CCNB2: variants seen among roughly 807,000 people sequenced by gnomAD.
CCNB2 encodes cyclin B2, also known as G2/mitotic-specific cyclin-B2.
In CCNB2, 39 loss-of-function variants were observed where a neutral mutation model predicts 51.1. That is an observed-to-expected ratio of 0.76 (90% CI 0.59 to 1.00). The LOEUF (loss-of-function observed/expected upper bound fraction) is 1.00. CCNB2 is among the 50% of genes least tolerant of loss of function. CCNB2 has a pLI of 0.00. For missense variants in CCNB2, 472 were observed against 470.3 expected, an observed-to-expected ratio of 1.00 and a Z score of -0.03; for synonymous variants, 174 against 165.5, an observed-to-expected ratio of 1.05 and a Z score of -0.40.
chr15:59,124,947 T>C lies in CCNB2; in HGVS notation c.*70T>C, dbSNP rs143150666. On this transcript the variant is annotated 3_prime_UTR_variant, in exon 9 of 9. Transcript: ENST00000288207. ...CTTATTGGTTTAGAACTCTTGATTT[T>C]GTACATAGTCCTCTGGTCTATCTCA... The C allele has an allele frequency of 1.5e-3, 1,313 of 879,248 alleles. 3 individuals carry two copies. Among genetic ancestry groups the C allele is most frequent in the Non-Finnish European group, 1.9e-3 (1,075 of 580,986 alleles). The allele number at this position is 879,248 out of a possible 1,614,324, so 54.5% of individuals were successfully genotyped here. A position where few individuals can be genotyped will look rare whatever the true frequency, so the allele number is the denominator to read the frequency against.
rs1314338481 is a variant in CCNB2, at chr15:59,107,358, A to G, written c.61A>G (p.Asn21Asp). The change falls in exon 2 of 9, where the codon AAT (asparagine) becomes GAT (aspartate). Residue 21 changes from asparagine (N) to aspartate (D), a missense_variant. By Grantham distance (23) the Asn-to-Asp change is conservative (BLOSUM62 1). Coordinates refer to ENST00000288207, the MANE Select transcript of CCNB2 (RefSeq NM_004701.4). ...TTTGGAGAATATTGACACAGGAGTT[A>G]ATTCTAAAGTTAAGAGTCATGTGAC... ...SDLENIDTGV[N>D]SKVKSHVTIR... 1 of 1,611,714 alleles carries G rather than the reference A, an allele frequency of 6.2e-7. No homozygotes were observed. Among genetic ancestry groups the G allele is most frequent in the Admixed American group, 1.7e-5 (1 of 59,804 alleles).
intron 7 of CCNB2, among the ~76,000 whole-genome samples, chr15:59,118,570 G>A (rs1285244588): frequency 6.6e-6 from 1 of 152,190 alleles, no homozygotes; most frequent in Non-Finnish European, 1.5e-5. Context: ...TGTAATCCAG[G>A]CTACTCTGGA....
At chr15:59,114,925 A>G (rs753235092) in intron 5 of CCNB2, 49 bp downstream of exon 5, 4 of 1,554,830 alleles carry the variant, frequency 2.6e-6, no homozygotes, top group African/African-American at 1.4e-5. Context: ...TGAACATTGC[A>G]TTTATGCTTG....
chr15:59,116,931 G>C lies in CCNB2; in HGVS notation c.834+5G>C, dbSNP rs2079281639. ...CGAGCATCAAAAGCCGGGGAGGTAA[G>C]TGCCTCCAGCTCTGTAAGAGACTAT... is the stretch of plus-strand genomic sequence containing the variant. On this transcript the variant is annotated splice_donor_5th_base_variant and intron_variant, in intron 6 of 8. Transcript: ENST00000288207. The C allele has an allele frequency of 7.5e-6, 12 of 1,604,084 alleles. No homozygotes were observed. Among genetic ancestry groups the C allele is most frequent in the African/African-American group, 2.7e-5 (2 of 74,716 alleles).
At chr15:59,120,361 C>G (rs1311346821) in intron 7 of CCNB2, among the ~76,000 whole-genome samples, 9 of 152,080 alleles carry the variant, frequency 5.9e-5, no homozygotes, top group Non-Finnish European at 1.0e-4. Context: ...GTCATGGTAG[C>G]ATGTGCCTAT....
At chr15:59,105,385 C>T (rs2079231273) in intron 1 of CCNB2, 93 bp downstream of exon 1, 3 of 1,377,146 alleles carry the variant, frequency 2.2e-6, no homozygotes, top group Non-Finnish European at 3.0e-6. Context: ...TTCTCCGTCC[C>T]AACCGGGGCT....
chr15:59,122,694 G>A (rs2079308398), intron 7 of CCNB2, among the ~76,000 whole-genome samples: 1 of 151,830 alleles, frequency 6.6e-6, no homozygotes, highest in Non-Finnish European at 1.5e-5. Flanking sequence ...ACACCACCAA[G>A]CTTGGCTAAT....
At chr15:59,111,468 CA>C (rs1325472330) in intron 3 of CCNB2, among the ~76,000 whole-genome samples, 2 of 152,220 alleles carry the variant, frequency 1.3e-5, no homozygotes, top group African/African-American at 4.8e-5. Context: ...ACTGCCCTTC[CA>C]GGGGTGGGTG....
intron 7 of CCNB2, among the ~76,000 whole-genome samples, chr15:59,117,814 GA>G (rs1363129122): frequency 6.6e-6 from 1 of 152,148 alleles, no homozygotes; most frequent in African/African-American, 2.4e-5. Context: ...AAACTACTTG[GA>G]GAGGGGCATG....
At chr15:59,114,358 G>GT in intron 3 of CCNB2, 86 bp from the exon 4 acceptor site, 1 of 930,564 alleles carries the variant, frequency 1.1e-6, no homozygotes, top group South Asian at 1.8e-5. Flanking sequence ...TCAGATGTGC[G>GT]TATGATATTG....
intron 7 of CCNB2, among the ~76,000 whole-genome samples, chr15:59,120,118 C>A (rs1308441867): frequency 6.6e-6 from 1 of 152,110 alleles, no homozygotes; most frequent in African/African-American, 2.4e-5. Flanking sequence ...ACAGCAAATT[C>A]ATAATAAAGG....
At position 59,114,792 on chromosome 15, in the gene CCNB2, T is replaced by C. The variant is rs2079272393; in HGVS notation, c.513T>C (p.Asp171=). 5 of 1,614,040 alleles carry C rather than the reference T, an allele frequency of 3.1e-6. No homozygotes were observed. The highest frequency in any genetic ancestry group is 1.3e-5 in the African/African-American group (1 of 75,034). ...GACGCATGCGTGCCATCCTAGTGGA[T>C]TGGCTGGTACAAGTCCACTCCAAGT... ...INGRMRAILV[D]WLVQVHSKFR... The change falls in exon 5 of 9, where the codon GAT becomes GAC. Residue 171 remains aspartate, a synonymous_variant. Transcript: ENST00000288207.
chr15:59,124,466 C>A (rs879545), intron 8 of CCNB2: 8 of 389,946 alleles, frequency 2.1e-5, no homozygotes, highest in South Asian at 1.5e-4. Context: ...ACTTAGGTGT[C>A]GTAAACACAG....
rs1403060049 is a variant in CCNB2, at chr15:59,114,597, T to C, written c.421T>C (p.Tyr141His). 1 of 1,595,404 alleles carries C rather than the reference T, an allele frequency of 6.3e-7. No individual in the cohort carries two copies. The highest frequency in any genetic ancestry group is 8.6e-7 in the Non-Finnish European group (1 of 1,168,224). The change falls in exon 4 of 9, where the codon TAT (tyrosine) becomes CAT (histidine). Residue 141 changes from tyrosine to histidine, a missense_variant. Transcript: ENST00000288207. ...CSDYVKDIYQYLRQLEVLQSI... is the reference protein window; with the variant it reads ...CSDYVKDIYQHLRQLEVLQSI... ...TGACTACGTTAAGGATATCTATCAG[T>C]ATCTCAGGCAGCTGGAGGTAGGTGG...
chr15:59,119,762 C>G (rs925374440), intron 7 of CCNB2, among the ~76,000 whole-genome samples: 56 of 152,276 alleles, frequency 3.7e-4, no homozygotes, highest in African/African-American at 1.3e-3. Flanking sequence ...GGCTGGAGTG[C>G]AGTGCTGCTG....
chr15:59,124,556 T>G lies in CCNB2; in HGVS notation c.1087-211T>G, dbSNP rs28383559. 521 of 559,656 alleles carry G rather than the reference T, an allele frequency of 9.3e-4. 8 individuals are homozygous for G. The East Asian group carries it at 0.014, about 15-fold the overall frequency. The allele number at this position is 559,656 out of a possible 1,614,324, so 34.7% of individuals were successfully genotyped here. On this transcript the variant is annotated intron_variant, in intron 8 of 8. Coordinates refer to ENST00000288207, the MANE Select transcript of CCNB2 (RefSeq NM_004701.4). ...TGAAATCATTTGTTCCTATCACCTGTGCTACCAGCTGTGTTTTATTCATTA... is the reference window on the plus strand; with the variant it reads ...TGAAATCATTTGTTCCTATCACCTGGGCTACCAGCTGTGTTTTATTCATTA...
chr15:59,118,857 C>T (rs2079290080), intron 7 of CCNB2, among the ~76,000 whole-genome samples: 1 of 152,152 alleles, frequency 6.6e-6, no homozygotes, highest in Non-Finnish European at 1.5e-5. Flanking sequence ...AGGCCTTGGC[C>T]TGTGTGGCCT....
In CCNB2 at chr15:59,122,191, G is replaced by A. The variant is rs543512721; in HGVS notation, c.976-1326G>A. 1.8e-4 allele frequency among the ~76,000 whole-genome samples: 27 copies of A among 146,420 alleles called. No homozygotes were observed. In the South Asian group the frequency reaches 4.7e-3, roughly 26 times the overall value. On this transcript the variant is annotated intron_variant, in intron 7 of 8. Transcript: ENST00000288207. ...ATGCATATGAAAAAAACGTACTTTC[G>A]CTTTTAGAATTTTTGTCACAGAACT... is the stretch of plus-strand genomic sequence containing the variant.
At chr15:59,108,717 G>C (rs1446874038) in intron 3 of CCNB2, among the ~76,000 whole-genome samples, 2 of 152,236 alleles carry the variant, frequency 1.3e-5, no homozygotes, top group East Asian at 3.8e-4. Flanking sequence ...CTTCCGATTT[G>C]TTGAGGTAAC....
Sources: allele counts gnomAD v4.1 joint callset (sites outside exome capture counted in the v4.1 genomes callset), GRCh38; gene constraint gnomAD v4.1.1; transcripts MANE v1.5; gene names NCBI Gene and HGNC (gene_info 2026-07-23, HGNC 2026-07-21).